WNT7A: variants seen among roughly 807,000 people sequenced by gnomAD.
WNT7A encodes Wnt family member 7A.
In WNT7A, 16 loss-of-function variants were observed where a neutral mutation model predicts 28.2. The observed-to-expected ratio is 0.57, with a 90% CI of 0.38 to 0.86. WNT7A has a LOEUF of 0.86. Among genes scored for constraint, WNT7A ranks in the 40% least tolerant of loss-of-function variants. The probability of loss-of-function intolerance (pLI) is 0.00; values close to 1 mark genes in which losing one functional copy is unlikely to be tolerated. For missense variants in WNT7A, 411 were observed against 489.7 expected, an observed-to-expected ratio of 0.84 and a Z score of 1.52; for synonymous variants, 190 against 195.9, an observed-to-expected ratio of 0.97 and a Z score of 0.25.
intron 3 of WNT7A, 24 bp from the exon 4 acceptor site, chr3:13,819,447 C>T (rs1575057503): frequency 1.2e-6 from 2 of 1,608,602 alleles, no homozygotes; most frequent in Admixed American, 3.3e-5. Flanking sequence ...CGGGGAAGAG[C>T]ACAGCACAGG....
intron 3 of WNT7A, among the ~76,000 whole-genome samples, chr3:13,832,870 TG>T (rs1694304349): frequency 6.6e-6 from 1 of 152,080 alleles, no homozygotes; most frequent in African/African-American, 2.4e-5. Flanking sequence ...TGGTCTATAC[TG>T]GGGGCCTTCT....
chr3:13,872,905 A>G (rs770976972), intron 2 of WNT7A, among the ~76,000 whole-genome samples: 1 of 152,174 alleles, frequency 6.6e-6, no homozygotes, highest in Non-Finnish European at 1.5e-5. Context: ...CTTGACTTCG[A>G]GCAAGTCCCT....
intron 3 of WNT7A, among the ~76,000 whole-genome samples, chr3:13,836,199 T>TAAA (rs200890080): frequency 7.2e-6 from 1 of 139,252 alleles, no homozygotes; most frequent in Non-Finnish European, 1.6e-5. Flanking sequence ...AAGCTGGTTT[T>TAAA]TAAAAAAAAA....
intron 3 of WNT7A, among the ~76,000 whole-genome samples, chr3:13,830,398 G>A (rs372992856): frequency 1.3e-5 from 2 of 152,104 alleles, no homozygotes; most frequent in Non-Finnish European, 2.9e-5. Context: ...TTCCTCTCCT[G>A]TGCCCCATGC....
intron 2 of WNT7A, among the ~76,000 whole-genome samples, chr3:13,865,572 T>C (rs1559305887): frequency 6.6e-6 from 1 of 152,134 alleles, no homozygotes. Context: ...CAGTTTTTTA[T>C]TTGGGGTGAG....
chr3:13,832,438 A>C (rs1458361320), intron 3 of WNT7A, among the ~76,000 whole-genome samples: 1 of 116,430 alleles, frequency 8.6e-6, no homozygotes, highest in East Asian at 2.7e-4. Context: ...CCTCTTTCTC[A>C]AGCTTCTCCT....
intron 3 of WNT7A, among the ~76,000 whole-genome samples, chr3:13,838,137 C>T (rs1694399314): frequency 6.6e-6 from 1 of 150,452 alleles, no homozygotes; most frequent in South Asian, 2.2e-4. Context: ...GGGCCTCTTC[C>T]CCTGGGCAGA....
At chr3:13,838,625 A>G (rs533727007) in intron 3 of WNT7A, among the ~76,000 whole-genome samples, 1 of 152,328 alleles carries the variant, frequency 6.6e-6, no homozygotes, top group Non-Finnish European at 1.5e-5. Flanking sequence ...GAGCTGGGAA[A>G]GGGCTTCAAG....
intron 3 of WNT7A, among the ~76,000 whole-genome samples, chr3:13,826,000 T>C (rs1694188729): frequency 6.6e-6 from 1 of 152,206 alleles, no homozygotes; most frequent in South Asian, 2.1e-4. Flanking sequence ...TGAAGAGCCT[T>C]GTGTGCAAGC....
rs1694494597 is a variant in WNT7A, at chr3:13,843,547, C to T, written c.570+10985G>A. On this transcript the variant is annotated intron_variant, in intron 3 of 3. Coordinates refer to ENST00000285018, the MANE Select transcript of WNT7A (RefSeq NM_004625.4). ...CAGGAGCTCCTGACCTGCCTCCCAT[C>T]CAAAACTCTCAGCCCAGCAGAGAAC... 2.0e-5 allele frequency among the ~76,000 whole-genome samples: 3 copies of T among 152,220 alleles called. No homozygotes were observed. The South Asian group carries it at 6.2e-4, about 32-fold the overall frequency.
intron 2 of WNT7A, among the ~76,000 whole-genome samples, chr3:13,859,542 A>G (rs1293155468): frequency 6.6e-6 from 1 of 152,194 alleles, no homozygotes; most frequent in Non-Finnish European, 1.5e-5. Flanking sequence ...TGTTTTATCC[A>G]TGGCCCTTAT....
At chr3:13,825,322 G>T (rs1280905939) in intron 3 of WNT7A, among the ~76,000 whole-genome samples, 6 of 152,138 alleles carry the variant, frequency 3.9e-5, no homozygotes, top group African/African-American at 1.4e-4. Context: ...TCCATGGCTG[G>T]CCTGTGCTGT....
At position 13,817,423 on chromosome 3, in the gene WNT7A, T is replaced by TAC. The variant is rs56090932; in HGVS notation, c.*1519_*1520dup. The TAC allele has an allele frequency of 0.016, 2,335 of 143,324 alleles. 29 individuals are homozygous for TAC. The highest frequency in any genetic ancestry group is 0.027 in the Admixed American group (383 of 14,398). The allele number at this position is 143,324 out of a possible 1,614,324, so 8.9% of individuals were successfully genotyped here. A position where few individuals can be genotyped will look rare whatever the true frequency, so the allele number is the denominator to read the frequency against. On this transcript the variant is annotated 3_prime_UTR_variant, in exon 4 of 4. Coordinates refer to ENST00000285018, the MANE Select transcript of WNT7A (RefSeq NM_004625.4). ...CACTCAAGTCCCTAAGAAGATACAG[T>TAC]ACACACACACACACACACACACACA... is the stretch of plus-strand genomic sequence containing the variant.
chr3:13,856,074 C>T (rs542219433), intron 2 of WNT7A, among the ~76,000 whole-genome samples: 1 of 152,224 alleles, frequency 6.6e-6, no homozygotes, highest in South Asian at 2.1e-4. Flanking sequence ...CCATCGCTGC[C>T]CTCCCACCCT....
At chr3:13,873,441 T>G (rs9869134) in intron 2 of WNT7A, among the ~76,000 whole-genome samples, 121,175 of 151,954 alleles carry the variant, frequency 0.8, 49,290 homozygotes, top group East Asian at 1. Flanking sequence ...CTCACTGGGA[T>G]TCCTGAATGC....
chr3:13,865,019 T>C (rs1015395297), intron 2 of WNT7A, among the ~76,000 whole-genome samples: 2 of 152,158 alleles, frequency 1.3e-5, no homozygotes, highest in African/African-American at 4.8e-5. Context: ...TGGATATACT[T>C]TTTGGTAGAT....
intron 3 of WNT7A, among the ~76,000 whole-genome samples, chr3:13,820,736 G>A (rs1207503803): frequency 6.6e-6 from 1 of 152,162 alleles, no homozygotes; most frequent in Non-Finnish European, 1.5e-5. Flanking sequence ...TCCATGTTCA[G>A]GGTCCTCCTA....
intron 3 of WNT7A, among the ~76,000 whole-genome samples, chr3:13,830,583 C>T (rs561405434): frequency 6.6e-6 from 1 of 152,190 alleles, no homozygotes; most frequent in South Asian, 2.1e-4. Flanking sequence ...AGTGGGTGAT[C>T]CCACAGGGAC....
intron 3 of WNT7A, among the ~76,000 whole-genome samples, chr3:13,849,134 T>C (rs935157539): frequency 5.9e-5 from 9 of 152,180 alleles, no homozygotes; most frequent in Admixed American, 1.3e-4. Context: ...CTGGGGACCA[T>C]TGTGTGCTCT....
Sources: gnomAD v4.1 joint callset for allele counts (sites outside exome capture counted in the v4.1 genomes callset) on GRCh38, gnomAD v4.1.1 for gene constraint, MANE v1.5 for transcripts, NCBI Gene and HGNC (gene_info 2026-07-23, HGNC 2026-07-21) for gene names.